Variants in DLGAP2 observed in about 807,000 individuals in gnomAD.
DLGAP2 encodes disks large-associated protein 2.
A neutral mutation model predicts 100.3 loss-of-function variants in DLGAP2; 26 were observed. The observed-to-expected ratio is 0.26, with a 90% CI of 0.19 to 0.36. DLGAP2 has a LOEUF of 0.36. Among genes scored for constraint, DLGAP2 ranks in the 10% least tolerant of loss-of-function variants. DLGAP2 has a pLI of 1.00. For missense variants in DLGAP2, 1,858 were observed against 1,453.2 expected (o/e 1.28, Z -4.53); for synonymous variants, 886 against 630.1 (o/e 1.41, Z -6.08).
chr8:845,499 T>A (rs1051454655), intron 1 of DLGAP2, among the ~76,000 whole-genome samples: 3 of 152,234 alleles, frequency 2.0e-5, no homozygotes, highest in Admixed American at 1.3e-4. Flanking sequence ...TTTGCCCATT[T>A]TAAACTAGGT....
At chr8:1,615,428 C>T (rs1003101939) in intron 6 of DLGAP2, among the ~76,000 whole-genome samples, 1 of 152,190 alleles carries the variant, frequency 6.6e-6, no homozygotes, top group Non-Finnish European at 1.5e-5. Flanking sequence ...ATGAAACCCA[C>T]CTGCAAGGAA....
chr8:1,513,291 G>C (rs1046353748), intron 4 of DLGAP2, among the ~76,000 whole-genome samples: 6 of 143,312 alleles, frequency 4.2e-5, no homozygotes, highest in African/African-American at 1.0e-4. Flanking sequence ...GGTGGGATAA[G>C]CGTCTGCCTT....
chr8:1,691,498 G>A (rs1181902363), intron 12 of DLGAP2, 37 bp from the exon 13 acceptor site: 3 of 1,571,902 alleles, frequency 1.9e-6, no homozygotes, highest in South Asian at 1.1e-5. Flanking sequence ...CAGTTTTGAA[G>A]TTGTTGTTTT....
intron 6 of DLGAP2, among the ~76,000 whole-genome samples, chr8:1,610,314 G>T (rs947011958): frequency 2.6e-5 from 4 of 151,952 alleles, no homozygotes; most frequent in Admixed American, 1.3e-4. Flanking sequence ...AATGAAGGCA[G>T]AAATAAAGAT....
chr8:1,485,595 G>C (rs1275342488), intron 3 of DLGAP2, among the ~76,000 whole-genome samples: 1 of 152,202 alleles, frequency 6.6e-6, no homozygotes, highest in Non-Finnish European at 1.5e-5. Flanking sequence ...CCCCGTTCTT[G>C]GTTCACTGAA....
At chr8:1,369,381 C>G (rs552415199) in intron 3 of DLGAP2, 2 of 152,370 alleles carry the variant, frequency 1.3e-5, no homozygotes, top group Middle Eastern at 4.3e-3. Context: ...GTGTCTGTGT[C>G]GTGATCACCC....
chr8:1,432,071 C>T (rs1010641105), intron 3 of DLGAP2, among the ~76,000 whole-genome samples: 1 of 152,094 alleles, frequency 6.6e-6, no homozygotes, highest in Non-Finnish European at 1.5e-5. Context: ...ACCCAGCACC[C>T]CATGCCAGCC....
At chr8:1,075,089 C>T (rs1803563845) in intron 2 of DLGAP2, among the ~76,000 whole-genome samples, 1 of 152,234 alleles carries the variant, frequency 6.6e-6, no homozygotes, top group Non-Finnish European at 1.5e-5. Context: ...CTGCACACAC[C>T]TGCTGTGCCA....
At chr8:1,698,554 G>A (rs576677476) in intron 14 of DLGAP2, among the ~76,000 whole-genome samples, 61 of 147,730 alleles carry the variant, frequency 4.1e-4, no homozygotes, top group African/African-American at 1.5e-3. Flanking sequence ...GACTAGACAG[G>A]TCCAAGTAAG....
intron 8 of DLGAP2, among the ~76,000 whole-genome samples, chr8:1,638,827 G>A (rs542827449): frequency 4.4e-4 from 67 of 152,338 alleles, no homozygotes; most frequent in Non-Finnish European, 8.2e-4. Flanking sequence ...GCTCCATTTA[G>A]GGACAGACGC....
intron 2 of DLGAP2, among the ~76,000 whole-genome samples, chr8:1,251,016 C>T (rs368851933): frequency 1.3e-5 from 2 of 152,194 alleles, no homozygotes; most frequent in Admixed American, 6.5e-5. Flanking sequence ...CTTTCTGCTA[C>T]GTGTATTTTT....
At chr8:1,110,193 CAT>C (rs140127368) in intron 2 of DLGAP2, among the ~76,000 whole-genome samples, 2,632 of 119,074 alleles carry the variant, frequency 0.022, 131 homozygotes, top group African/African-American at 0.084. Context: ...GGGTCTGTGA[CAT>C]GTGCTGGATC....
intron 1 of DLGAP2, among the ~76,000 whole-genome samples, chr8:801,824 G>A (rs1248382500): frequency 1.3e-5 from 2 of 152,158 alleles, no homozygotes; most frequent in African/African-American, 2.4e-5. Flanking sequence ...ATGGCTCACT[G>A]CCCTTGCTCG....
intron 2 of DLGAP2, among the ~76,000 whole-genome samples, chr8:935,727 C>T (rs1280157056): frequency 1.3e-5 from 2 of 152,118 alleles, no homozygotes; most frequent in South Asian, 2.1e-4. Context: ...GCCCAGGAGC[C>T]GTGCGTCCTG....
chr8:1,165,981 G>A (rs1481590660), intron 2 of DLGAP2, among the ~76,000 whole-genome samples: 1 of 152,114 alleles, frequency 6.6e-6, no homozygotes, highest in African/African-American at 2.4e-5. Context: ...TTTTCTTCCA[G>A]TAATATTTGG....
intron 3 of DLGAP2, among the ~76,000 whole-genome samples, chr8:1,387,321 G>A (rs764844500): frequency 2.0e-5 from 3 of 152,190 alleles, no homozygotes; most frequent in Non-Finnish European, 4.4e-5. Flanking sequence ...TTAGTATAAA[G>A]ATGAAATTTG....
At chr8:1,467,117 G>A (rs970485281) in intron 3 of DLGAP2, among the ~76,000 whole-genome samples, 24 of 151,732 alleles carry the variant, frequency 1.6e-4, no homozygotes, top group African/African-American at 5.6e-4. Context: ...GAGGGAGGGA[G>A]GGTCCGGCAG....
At chr8:881,903 C>G (rs942003790) in intron 1 of DLGAP2, among the ~76,000 whole-genome samples, 1 of 152,086 alleles carries the variant, frequency 6.6e-6, no homozygotes, top group Admixed American at 6.6e-5. Context: ...TATAAATTCT[C>G]CCACCCAATA....
intron 3 of DLGAP2, among the ~76,000 whole-genome samples, chr8:1,268,069 C>A (rs1277491045): frequency 6.6e-6 from 1 of 152,114 alleles, no homozygotes; most frequent in Non-Finnish European, 1.5e-5. Context: ...CGACAATTAC[C>A]CATTTATGCA....
Sources: gnomAD v4.1 joint callset for allele counts (sites outside exome capture counted in the v4.1 genomes callset) on GRCh38, gnomAD v4.1.1 for gene constraint, MANE v1.5 for transcripts, NCBI Gene and HGNC (gene_info 2026-07-23, HGNC 2026-07-21) for gene names.